The following DNAH9 variants were observed in gnomAD, a reference collection of about 807,000 sequenced individuals.
DNAH9 encodes the protein DNAH9 variant protein.
In DNAH9, 345 loss-of-function variants were observed where a neutral mutation model predicts 471.6. The ratio of observed to expected loss-of-function variants is 0.73; its 90% CI spans 0.67 to 0.80. DNAH9 has a LOEUF of 0.80. Among genes scored for constraint, DNAH9 ranks in the 30% least tolerant of loss-of-function variants. The pLI is 0.00. For missense variants in DNAH9, 5,407 were observed against 5,609.2 expected (o/e 0.96, Z 1.15); for synonymous variants, 2,093 against 2,123.6 (o/e 0.99, Z 0.40).
At position 11,699,617 on chromosome 17, in the gene DNAH9, G is replaced by A. The variant is rs987215052; in HGVS notation, c.4873-114G>A. 3 of 880,788 alleles carry A rather than the reference G, an allele frequency of 3.4e-6. No individual in the cohort carries two copies. The African/African-American group carries it at 5.0e-5, about 15-fold the overall frequency. 54.6% of individuals were successfully genotyped at this position (880,788 alleles called of 1,614,324 possible). On this transcript the variant is annotated intron_variant, in intron 22 of 68. Transcript: ENST00000262442. Reference sequence around the variant, plus strand: ...CCACAAACTTCCTTCTAAATGCTTGGTATCCACCACTCTGTCTTTCACAAT... The same window carrying A: ...CCACAAACTTCCTTCTAAATGCTTGATATCCACCACTCTGTCTTTCACAAT...
At chr17:11,865,005 G>A (rs1376523299) in intron 50 of DNAH9, among the ~76,000 whole-genome samples, 3 of 152,126 alleles carry the variant, frequency 2.0e-5, no homozygotes, top group Admixed American at 1.3e-4. Flanking sequence ...TTTAATTGGA[G>A]CATTTAGTCC....
chr17:11,641,645 A>C (rs1289293575), intron 10 of DNAH9, among the ~76,000 whole-genome samples: 2 of 152,042 alleles, frequency 1.3e-5, no homozygotes, highest in African/African-American at 4.8e-5. Flanking sequence ...CGGGGAGTAG[A>C]TCTGAGCCCT....
chr17:11,942,556 G>T, intron 67 of DNAH9, 71 bp downstream of exon 67: 1 of 1,474,166 alleles, frequency 6.8e-7, no homozygotes, highest in Non-Finnish European at 9.1e-7. Flanking sequence ...TGGGGAAGAA[G>T]GAGCACTGGG....
In DNAH9 at chr17:11,875,230, G is replaced by A. The variant is rs1567867516; in HGVS notation, c.10478+46G>A. 4.6e-6 allele frequency: 7 copies of A among 1,507,564 alleles called. No homozygotes were observed. The East Asian group carries it at 9.2e-5, about 20-fold the overall frequency. The allele number at this position is 1,507,564 out of a possible 1,614,324, so 93.4% of individuals were successfully genotyped here. A position where few individuals can be genotyped will look rare whatever the true frequency, so the allele number is the denominator to read the frequency against. On this transcript the variant is annotated intron_variant, in intron 53 of 68. Transcript: ENST00000262442. ...GTTCCCACTTTAGCCATTTGTGCAGGAAAATGTATAGATCATGAGCAGATT... is the reference window on the plus strand; with the variant it reads ...GTTCCCACTTTAGCCATTTGTGCAGAAAAATGTATAGATCATGAGCAGATT...
intron 56 of DNAH9, among the ~76,000 whole-genome samples, chr17:11,885,058 A>G (rs940552365): frequency 7.2e-5 from 11 of 151,758 alleles, no homozygotes; most frequent in Non-Finnish European, 1.5e-4. Context: ...TCATTTATTC[A>G]TCTCATGAAC....
At chr17:11,679,442 C>A (rs527351293) in intron 17 of DNAH9, among the ~76,000 whole-genome samples, 1 of 152,210 alleles carries the variant, frequency 6.6e-6, no homozygotes, top group African/African-American at 2.4e-5. Flanking sequence ...ATTTTGAGTG[C>A]GCTCAGAGAA....
In DNAH9 at chr17:11,902,878, G is replaced by A; in HGVS notation, c.11566G>A (p.Ala3856Thr). Residue 3856 changes from alanine to threonine, a missense_variant, in exon 60 of 69, where the codon GCC (alanine) becomes ACC (threonine). Physicochemically the swap from Ala to Thr is moderately conservative, Grantham distance 58. Around this residue, in one of 3 missense-constraint regions of DNAH9, gnomAD observed 4,636 missense variants for 4,900.3 expected, o/e 0.95. Transcript: ENST00000262442. ...TALQRLCMLR[A>T]MRPDRMTYAL... ...CCTGCAGCGCCTCTGCATGCTGAGA[G>A]CCATGCGGCCCGACCGGATGACCTA... 1.2e-6 allele frequency: 2 copies of A among 1,613,842 alleles called. No homozygotes were observed. Among genetic ancestry groups the A allele is most frequent in the Non-Finnish European group, 1.7e-6 (2 of 1,179,866 alleles).
Position 11,786,556 on chromosome 17 carries a change from C to A in DNAH9, c.8061+2017C>A, listed in dbSNP as rs114693655. Among the ~76,000 whole-genome samples the A allele has an allele frequency of 3.9e-3, 590 of 152,280 alleles. 9 individuals are homozygous for A. The highest frequency in any genetic ancestry group is 0.013 in the African/African-American group (541 of 41,544). On this transcript the variant is annotated intron_variant, in intron 41 of 68. Transcript: ENST00000262442. ...TGAATGCACTTAATCCTCACAACAACCCTAGAAGGTAAAATACTGATTATT... is the reference window on the plus strand; with the variant it reads ...TGAATGCACTTAATCCTCACAACAAACCTAGAAGGTAAAATACTGATTATT...
intron 50 of DNAH9, among the ~76,000 whole-genome samples, chr17:11,856,121 CCATCTACCACATGCA>C (rs1378363582): frequency 6.6e-6 from 1 of 152,168 alleles, no homozygotes. Flanking sequence ...ACAGCATGTG[CCATCTACCACATGCA>C]CATCCAACCT....
intron 62 of DNAH9, among the ~76,000 whole-genome samples, chr17:11,925,724 C>T (rs906255613): frequency 6.6e-6 from 1 of 152,208 alleles, no homozygotes; most frequent in Admixed American, 6.6e-5. Flanking sequence ...GATGTGGTTG[C>T]TCAGAGCTCT....
rs1180644452 is a variant in DNAH9 at position 11,752,845 on chromosome 17, C to A, written c.6623C>A (p.Ser2208Tyr). ...TGEWKDGLFS[S>Y]IMRELANITH... is the part of the protein sequence containing the mutation. ...TGGTTCCTTTTAGGATTGTTCTCTT[C>A]CATCATGCGGGAGCTTGCCAACATC... The change falls in exon 33 of 69, where the codon TCC becomes TAC. Residue 2208 changes from serine to tyrosine, a missense_variant. Physicochemically the swap from Ser to Tyr is moderately radical, Grantham distance 144. This residue lies in a region of DNAH9 where 4,636 missense variants were observed against 4,900.3 expected (regional missense o/e 0.95). Coordinates refer to ENST00000262442, the MANE Select transcript of DNAH9 (RefSeq NM_001372.4). The A allele has an allele frequency of 3.1e-6, 5 of 1,592,016 alleles. No individual in the cohort carries two copies. The highest frequency in any genetic ancestry group is 3.4e-6 in the Non-Finnish European group (4 of 1,171,806).
rs1441864439 is a variant in DNAH9 at position 11,730,990 on chromosome 17, ATAATGGTGATGGTGG to A, written c.5814+3074_5814+3088del. On this transcript the variant is annotated intron_variant, in intron 28 of 68. Coordinates refer to ENST00000262442, the MANE Select transcript of DNAH9 (RefSeq NM_001372.4). ...GATGATGGTGATGATGATGGAGATG[ATAATGGTGATGGTGG>A]TAATGATGATGGTGGTGATGATGAT... Among the ~76,000 whole-genome samples, 1,076 of 151,224 alleles carry A rather than the reference ATAATGGTGATGGTGG, an allele frequency of 7.1e-3. 3 individuals carry two copies. Among genetic ancestry groups the A allele is most frequent in the South Asian group, 0.023 (110 of 4,706 alleles).
intron 38 of DNAH9, 130 bp from the exon 39 acceptor site, chr17:11,780,879 T>C: frequency 1.1e-6 from 1 of 916,302 alleles, no homozygotes; most frequent in South Asian, 1.8e-5. Context: ...GTTATTATTG[T>C]TGTCTTTCGC....
Position 11,932,224 on chromosome 17 carries a change from C to A in DNAH9, c.12297+19C>A. On this transcript the variant is annotated intron_variant, in intron 64 of 68. Transcript: ENST00000262442. This position sits in a 1 kb window ranked among gnomAD's most constrained non-coding sequence, Gnocchi z 4.3. ...CGCAAAGGTAAAGGCCATGGACATTCAGGGACCAGCCAGGTTGGGAGAGGG... is the reference window on the plus strand; with the variant it reads ...CGCAAAGGTAAAGGCCATGGACATTAAGGGACCAGCCAGGTTGGGAGAGGG... 4 of 1,608,036 alleles carry A rather than the reference C, an allele frequency of 2.5e-6. No homozygotes were observed. Among genetic ancestry groups the A allele is most frequent in the Non-Finnish European group, 3.4e-6 (4 of 1,175,768 alleles).
At chr17:11,706,917 G>T (rs1482152790) in intron 26 of DNAH9, among the ~76,000 whole-genome samples, 1 of 152,156 alleles carries the variant, frequency 6.6e-6, no homozygotes, top group East Asian at 1.9e-4. Flanking sequence ...GAGGTAGTCA[G>T]CCATAAAGGA....
chr17:11,966,803 G>A (rs2151457878), intron 68 of DNAH9, among the ~76,000 whole-genome samples: 1 of 152,084 alleles, frequency 6.6e-6, no homozygotes, highest in African/African-American at 2.4e-5. Context: ...GCTCAAGCCT[G>A]TAATCCCAGC....
intron 26 of DNAH9, among the ~76,000 whole-genome samples, chr17:11,710,989 CT>C (rs2074818002): frequency 6.6e-6 from 1 of 152,200 alleles, no homozygotes; most frequent in African/African-American, 2.4e-5. Flanking sequence ...TATATCATGA[CT>C]TTGCTTCTTC....
rs371893690 is a variant in DNAH9 at position 11,749,336 on chromosome 17, A to G, written c.6610+1570A>G. On this transcript the variant is annotated intron_variant, in intron 32 of 68. Transcript: ENST00000262442. The stretch of plus-strand genomic sequence containing the variant: ...CCTGACCTCATGATCCTCCCGCCTC[A>G]GCCTCCCAAAGTTCTGGGATTACAG... 1.5e-4 allele frequency among the ~76,000 whole-genome samples: 23 copies of G among 152,146 alleles called. No homozygotes were observed. In the East Asian group the frequency reaches 4.4e-3, roughly 29 times the overall value.
intron 22 of DNAH9, among the ~76,000 whole-genome samples, chr17:11,695,704 T>C (rs2074463814): frequency 6.6e-6 from 1 of 152,220 alleles, no homozygotes; most frequent in Non-Finnish European, 1.5e-5. Context: ...GAAGTACAGA[T>C]TCCTCGGTCC....
Sources: gnomAD v4.1 joint callset for allele counts (sites outside exome capture counted in the v4.1 genomes callset) on GRCh38, gnomAD v4.1.1 for gene constraint, gnomAD v4.1.1 regional missense constraint, Gnocchi (gnomAD v3.1) non-coding constraint, MANE v1.5 for transcripts, NCBI Gene and HGNC (gene_info 2026-07-23, HGNC 2026-07-21) for gene names.